Variants in RASGRF2 observed in about 807,000 individuals in gnomAD.
RASGRF2 encodes the protein Ras protein specific guanine nucleotide releasing factor 2.
RASGRF2 carries 76 observed loss-of-function variants against 151.0 expected under a neutral mutation model. The ratio of observed to expected loss-of-function variants is 0.50; its 90% CI spans 0.42 to 0.61. The LOEUF is 0.61. Among genes scored for constraint, RASGRF2 ranks in the 20% least tolerant of loss-of-function variants. The probability of loss-of-function intolerance (pLI) is 0.00; values close to 1 mark genes in which losing one functional copy is unlikely to be tolerated. For synonymous variants in RASGRF2, 504 were observed against 566.5 expected (o/e 0.89, Z 1.57); for missense variants, 1,148 against 1,564.6 (o/e 0.73, Z 4.49).
intron 1 of RASGRF2, among the ~76,000 whole-genome samples, chr5:80,971,762 C>T (rs1747941793): frequency 6.6e-6 from 1 of 151,750 alleles, no homozygotes; most frequent in African/African-American, 2.4e-5. Context: ...TAGAGACAGG[C>T]TTTCGCCATA....
At chr5:80,983,630 C>T (rs1748384001) in intron 1 of RASGRF2, among the ~76,000 whole-genome samples, 1 of 152,196 alleles carries the variant, frequency 6.6e-6, no homozygotes, top group Non-Finnish European at 1.5e-5. Flanking sequence ...ATTTGCCAAC[C>T]TCTGCTTTAC....
At chr5:81,076,359 T>G (rs1198552168) in intron 5 of RASGRF2, among the ~76,000 whole-genome samples, 1 of 152,232 alleles carries the variant, frequency 6.6e-6, no homozygotes, top group Admixed American at 6.5e-5. Flanking sequence ...CAGAATGTAC[T>G]GCTCAGGTCA....
At chr5:81,170,961 A>G (rs558685780) in intron 17 of RASGRF2, among the ~76,000 whole-genome samples, 43 of 151,764 alleles carry the variant, frequency 2.8e-4, no homozygotes, top group African/African-American at 1.0e-3. Flanking sequence ...CCTTCCTCCC[A>G]CCCTTCCTAC....
At position 81,215,964 on chromosome 5, in the gene RASGRF2, ATCTT is replaced by A. The variant is rs1289668339; in HGVS notation, c.3434+10_3434+13del. 3 of 1,505,590 alleles carry A rather than the reference ATCTT, an allele frequency of 2.0e-6. No individual in the cohort carries two copies. Among genetic ancestry groups the A allele is most frequent in the Non-Finnish European group, 2.6e-6 (3 of 1,136,232 alleles). The allele number at this position is 1,505,590 out of a possible 1,614,324, so 93.3% of individuals were successfully genotyped here. A position where few individuals can be genotyped will look rare whatever the true frequency, so the allele number is the denominator to read the frequency against. ...AGAGAAACCCTTAAAAAGTATGTCT[ATCTT>A]AATTATTAAATTATTCATAATTCAG... is the stretch of plus-strand genomic sequence containing the variant. On this transcript the variant is annotated intron_variant, in intron 24 of 26. Coordinates refer to ENST00000265080, the MANE Select transcript of RASGRF2 (RefSeq NM_006909.3).
intron 1 of RASGRF2, among the ~76,000 whole-genome samples, chr5:80,965,159 C>G (rs1370399785): frequency 6.6e-6 from 1 of 151,908 alleles, no homozygotes; most frequent in South Asian, 2.1e-4. Flanking sequence ...TTTAGCCTTC[C>G]TAAATTGACC....
chr5:80,988,621 G>A (rs1333559933), intron 1 of RASGRF2, among the ~76,000 whole-genome samples: 1 of 152,128 alleles, frequency 6.6e-6, no homozygotes, highest in Non-Finnish European at 1.5e-5. Flanking sequence ...ACTTTGCCAG[G>A]TATTAGCAGT....
At chr5:81,203,512 G>A (rs1011689763) in intron 19 of RASGRF2, among the ~76,000 whole-genome samples, 5 of 152,220 alleles carry the variant, frequency 3.3e-5, no homozygotes, top group African/African-American at 1.2e-4. Flanking sequence ...GGCTTCAGAT[G>A]TGCCAATTCT....
chr5:81,212,261 C>T (rs1393933739), intron 22 of RASGRF2, 105 bp from the exon 23 acceptor site: 1 of 743,188 alleles, frequency 1.3e-6, no homozygotes, highest in African/African-American at 1.8e-5. Flanking sequence ...TCAAGCTACT[C>T]AACACCCTGC....
chr5:81,099,912 T>C (rs1367150612), intron 12 of RASGRF2, among the ~76,000 whole-genome samples: 7 of 118,556 alleles, frequency 5.9e-5, no homozygotes, highest in African/African-American at 2.1e-4. Context: ...TTTTTCTTTT[T>C]TTTTTTTTTT....
intron 1 of RASGRF2, among the ~76,000 whole-genome samples, chr5:81,000,047 G>C (rs905523875): frequency 1.3e-5 from 2 of 152,216 alleles, no homozygotes; most frequent in Admixed American, 6.5e-5. Context: ...GGAGTAGCTC[G>C]ACTGGGAATG....
intron 1 of RASGRF2, among the ~76,000 whole-genome samples, chr5:80,985,182 A>C (rs1748436570): frequency 6.6e-6 from 1 of 152,240 alleles, no homozygotes; most frequent in Non-Finnish European, 1.5e-5. Context: ...ACTGCACTCC[A>C]GCCTGGGCAA....
Position 81,180,255 on chromosome 5 carries a change from C to T in RASGRF2, c.2767C>T (p.Arg923Cys). The T allele has an allele frequency of 3.1e-6, 5 of 1,610,292 alleles. No homozygotes were observed. Among genetic ancestry groups the T allele is most frequent in the Non-Finnish European group, 3.4e-6 (4 of 1,176,816 alleles). Residue 923 changes from arginine (R) to cysteine (C), a missense_variant, in exon 18 of 27, where the codon CGT (arginine) becomes TGT (cysteine). Physicochemically the swap from Arg to Cys is radical, Grantham distance 180. This residue lies in a region of RASGRF2 where 646 missense variants were observed against 807.4 expected (regional missense o/e 0.80). Coordinates refer to ENST00000265080, the MANE Select transcript of RASGRF2 (RefSeq NM_006909.3). ...TATNRVLNVL[R>C]HWVSKHAQDF... ...TACCAATCGAGTTCTGAACGTCCTC[C>T]GTCACTGGGTCTCAAAGCACGCACA...
chr5:81,145,520 A>C (rs552674067), intron 17 of RASGRF2, among the ~76,000 whole-genome samples: 46 of 152,214 alleles, frequency 3.0e-4, no homozygotes, highest in Non-Finnish European at 5.9e-4. Context: ...AATAAAGCGG[A>C]AGTGATCGTG....
In RASGRF2 at chr5:81,140,877, A is replaced by C. The variant is rs559139690; in HGVS notation, c.2686+13714A>C. On this transcript the variant is annotated intron_variant, in intron 17 of 26. Coordinates refer to ENST00000265080, the MANE Select transcript of RASGRF2 (RefSeq NM_006909.3). ...CATGTCAGGGCCAGGCAAGTAACCT[A>C]AGTAGGGATGGAGAGGTGCTGCCAT... Among the ~76,000 whole-genome samples, 135 of 152,158 alleles carry C rather than the reference A, an allele frequency of 8.9e-4. No individual in the cohort carries two copies. In the Middle Eastern group the frequency reaches 0.014, roughly 15 times the overall value.
intron 17 of RASGRF2, among the ~76,000 whole-genome samples, chr5:81,130,357 AT>A (rs1554036479): frequency 6.6e-6 from 1 of 152,202 alleles, no homozygotes; most frequent in Non-Finnish European, 1.5e-5. Flanking sequence ...AACAGTGCCC[AT>A]GGCTCTGCTG....
At chr5:81,096,269 G>A (rs1010246475) in intron 12 of RASGRF2, 4 of 152,086 alleles carry the variant, frequency 2.6e-5, no homozygotes, top group Non-Finnish European at 4.4e-5. Context: ...TTATTCATAC[G>A]TTCATTAGCT....
At position 81,212,444 on chromosome 5, in the gene RASGRF2, G is replaced by A; in HGVS notation, c.3235G>A (p.Ala1079Thr). The part of the protein sequence containing the change: ...SRANAIEKWV[A>T]VADICRCLHN... ...TGCCAACGCCATCGAGAAATGGGTG[G>A]CAGTGGCGGACATCTGCCGATGCCT... The change falls in exon 23 of 27, where the codon GCA becomes ACA. Residue 1079 changes from alanine (A) to threonine (T), a missense_variant. Physicochemically the swap from Ala to Thr is moderately conservative, Grantham distance 58 (BLOSUM62 0). This residue lies in a region of RASGRF2 where 646 missense variants were observed against 807.4 expected (regional missense o/e 0.80). Coordinates refer to ENST00000265080, the MANE Select transcript of RASGRF2 (RefSeq NM_006909.3). The A allele has an allele frequency of 6.2e-7, 1 of 1,613,986 alleles. No homozygotes were observed. The highest frequency in any genetic ancestry group is 1.1e-5 in the South Asian group (1 of 91,040).
At position 81,043,266 on chromosome 5, in the gene RASGRF2, AGAATGTATT is replaced by A. The variant is rs149263045; in HGVS notation, c.395+295_395+303del. Among the ~76,000 whole-genome samples the A allele has an allele frequency of 6.2e-3, 944 of 152,320 alleles. 11 individuals are homozygous for A. The highest frequency in any genetic ancestry group is 0.022 in the African/African-American group (894 of 41,566). On this transcript the variant is annotated intron_variant, in intron 2 of 26. Coordinates refer to ENST00000265080, the MANE Select transcript of RASGRF2 (RefSeq NM_006909.3). ...ACTATTATATGTGCTTTTCAATTACAGAATGTATTGAATGTATTGACTCACTCTGTCAAC... is the reference window on the plus strand; with the variant it reads ...ACTATTATATGTGCTTTTCAATTACAGAATGTATTGACTCACTCTGTCAAC...
intron 5 of RASGRF2, 26 bp from the exon 6 acceptor site, chr5:81,080,095 T>C (rs1332113253): frequency 6.3e-7 from 1 of 1,590,616 alleles, no homozygotes; most frequent in Non-Finnish European, 8.5e-7. Context: ...AGCAACTAAA[T>C]TATATTATTT....
Sources: allele counts gnomAD v4.1 joint callset (sites outside exome capture counted in the v4.1 genomes callset), GRCh38; gene constraint gnomAD v4.1.1; regional missense constraint gnomAD v4.1.1; transcripts MANE v1.5; gene names NCBI Gene and HGNC (gene_info 2026-07-23, HGNC 2026-07-21).